SHC4: variants seen among roughly 807,000 people sequenced by gnomAD.
SHC4 encodes the protein SHC adaptor protein 4, also known as SHC-transforming protein 4.
Under a neutral mutation model 69.4 loss-of-function variants are expected in SHC4, and 41 were observed. That is an observed-to-expected ratio of 0.59 (90% CI 0.46 to 0.77). SHC4 has a LOEUF of 0.77. Among genes scored for constraint, SHC4 ranks in the 30% least tolerant of loss-of-function variants. SHC4 has a pLI of 0.00. For synonymous variants in SHC4, 318 were observed against 299.3 expected, an observed-to-expected ratio of 1.06 and a Z score of -0.64; for missense variants, 777 against 783.8, an observed-to-expected ratio of 0.99 and a Z score of 0.10.
At chr15:48,906,560 T>A (rs1900409405) in intron 2 of SHC4, among the ~76,000 whole-genome samples, 1 of 151,956 alleles carries the variant, frequency 6.6e-6, no homozygotes, top group African/African-American at 2.4e-5. Context: ...ATTGCCACAA[T>A]ACAGTGCTGT....
At chr15:48,923,205 T>A (rs1213651984) in intron 2 of SHC4, among the ~76,000 whole-genome samples, 1 of 152,180 alleles carries the variant, frequency 6.6e-6, no homozygotes. Context: ...AACCCTAGGA[T>A]GTACATTTCT....
At chr15:48,941,995 G>A (rs1901183709) in intron 1 of SHC4, among the ~76,000 whole-genome samples, 1 of 151,980 alleles carries the variant, frequency 6.6e-6, no homozygotes, top group South Asian at 2.1e-4. Context: ...AGAACATGCA[G>A]TATTTGAGTC....
At chr15:48,872,253 T>G (rs1313759177) in intron 4 of SHC4, 111 bp from the exon 5 acceptor site, 1 of 639,744 alleles carries the variant, frequency 1.6e-6, no homozygotes, top group Non-Finnish European at 2.5e-6. Context: ...CTGATCAGCA[T>G]CCCTTTGAAA....
intron 11 of SHC4, among the ~76,000 whole-genome samples, chr15:48,828,134 T>C (rs1050168681): frequency 2.0e-4 from 29 of 146,764 alleles, no homozygotes; most frequent in South Asian, 1.5e-3. Context: ...TATATATATA[T>C]ACATCTGTTA....
intron 1 of SHC4, among the ~76,000 whole-genome samples, chr15:48,953,366 T>G (rs1453904171): frequency 6.6e-6 from 1 of 152,046 alleles, no homozygotes; most frequent in African/African-American, 2.4e-5. Context: ...CAACCCCCCA[T>G]GACACAAGTT....
At chr15:48,913,629 C>T (rs1410454795) in intron 2 of SHC4, among the ~76,000 whole-genome samples, 2 of 152,128 alleles carry the variant, frequency 1.3e-5, no homozygotes, top group Admixed American at 6.5e-5. Flanking sequence ...GCTTCTCACC[C>T]CCTTCAAATT....
chr15:48,963,096 C>T lies in SHC4; in HGVS notation c.-81G>A. On this transcript the variant is annotated 5_prime_UTR_variant, in exon 1 of 12. Transcript: ENST00000332408. ...AGATAAACGGTGCAGACATCAGATA[C>T]CTCAACGCCCGATGCAACTCACAGC... 1 of 1,400,576 alleles carries T rather than the reference C, an allele frequency of 7.1e-7. No homozygotes were observed. Among genetic ancestry groups the T allele is most frequent in the Non-Finnish European group, 9.7e-7 (1 of 1,033,654 alleles). The allele number at this position is 1,400,576 out of a possible 1,614,324, so 86.8% of individuals were successfully genotyped here.
At chr15:48,958,047 C>T (rs550780065) in intron 1 of SHC4, among the ~76,000 whole-genome samples, 2 of 152,344 alleles carry the variant, frequency 1.3e-5, no homozygotes, top group African/African-American at 2.4e-5. Context: ...TGATTTCAGA[C>T]GTCCAGCCTC....
At chr15:48,832,784 C>A (rs1225097000) in intron 11 of SHC4, among the ~76,000 whole-genome samples, 1 of 152,086 alleles carries the variant, frequency 6.6e-6, no homozygotes, top group Non-Finnish European at 1.5e-5. Context: ...CAAATGACCT[C>A]TCTTTGAGTT....
chr15:48,850,253 A>C (rs1346866165), intron 9 of SHC4, among the ~76,000 whole-genome samples: 2 of 150,680 alleles, frequency 1.3e-5, no homozygotes, highest in East Asian at 2.0e-4. Flanking sequence ...CTAAACTAAA[A>C]TAAAATGTTG....
intron 2 of SHC4, among the ~76,000 whole-genome samples, chr15:48,909,663 C>G (rs956741296): frequency 9.2e-5 from 14 of 151,774 alleles, no homozygotes; most frequent in African/African-American, 3.4e-4. Context: ...TCAAAGTTTC[C>G]CTATTCAGTA....
intron 4 of SHC4, chr15:48,879,535 G>A (rs1394872443): frequency 1.8e-5 from 3 of 167,052 alleles, no homozygotes; most frequent in African/African-American, 7.2e-5. Flanking sequence ...TTATATACTA[G>A]AGAAATTTTG....
At chr15:48,872,999 C>T (rs1223819616) in intron 4 of SHC4, among the ~76,000 whole-genome samples, 3 of 152,116 alleles carry the variant, frequency 2.0e-5, no homozygotes, top group Non-Finnish European at 4.4e-5. Flanking sequence ...AATTTTATTC[C>T]TAGACGTATA....
At chr15:48,829,789 C>T (rs1035328775) in intron 11 of SHC4, among the ~76,000 whole-genome samples, 38 of 152,206 alleles carry the variant, frequency 2.5e-4, no homozygotes, top group African/African-American at 8.7e-4. Context: ...CATGGTGGCG[C>T]ACCCCTGTGG....
At chr15:48,884,133 T>A in intron 4 of SHC4, 115 bp downstream of exon 4, 1 of 1,138,272 alleles carries the variant, frequency 8.8e-7, no homozygotes, top group Middle Eastern at 2.8e-4. Context: ...GATTTTTCCC[T>A]TGTGCTGTAT....
intron 2 of SHC4, among the ~76,000 whole-genome samples, chr15:48,919,091 A>C (rs1187856836): frequency 5.3e-5 from 1 of 18,746 alleles, no homozygotes; most frequent in Non-Finnish European, 7.2e-4. Flanking sequence ...ACTGCTTTCA[A>C]GACCTCCCTG....
intron 6 of SHC4, among the ~76,000 whole-genome samples, chr15:48,858,925 G>A (rs190156325): frequency 6.6e-6 from 1 of 152,348 alleles, no homozygotes; most frequent in Non-Finnish European, 1.5e-5. Context: ...GCTTAAAGGA[G>A]TGCATGGAGA....
intron 1 of SHC4, among the ~76,000 whole-genome samples, chr15:48,941,491 T>C (rs1265264409): frequency 1.3e-5 from 2 of 151,950 alleles, no homozygotes. Flanking sequence ...TAGGGGAGGG[T>C]GTTATTTTAA....
rs182819561 is a variant in SHC4, at chr15:48,889,381, T to C, written c.720+1367A>G. Among the ~76,000 whole-genome samples, 82 of 152,264 alleles carry C rather than the reference T, an allele frequency of 5.4e-4. 3 individuals carry two copies. The highest frequency in any genetic ancestry group is 5.7e-4 in the Non-Finnish European group (39 of 68,020). On this transcript the variant is annotated intron_variant, in intron 3 of 11. Transcript: ENST00000332408. ...TATAATGAAGAATGATAACCAAAAA[T>C]GGGGCAGAATGGTATAGAAATAGAG... is the stretch of plus-strand genomic sequence containing the variant.
Sources: gnomAD v4.1 joint callset for allele counts (sites outside exome capture counted in the v4.1 genomes callset) on GRCh38, gnomAD v4.1.1 for gene constraint, MANE v1.5 for transcripts, NCBI Gene and HGNC (gene_info 2026-07-23, HGNC 2026-07-21) for gene names.